The following COX7B2 variants were observed in gnomAD, a reference collection of about 807,000 sequenced individuals.
The protein encoded by COX7B2 is cytochrome c oxidase subunit 7B2, mitochondrial.
For missense variants in COX7B2, 109 were observed against 95.9 expected, an observed-to-expected ratio of 1.14 and a Z score of -0.57; for synonymous variants, 37 against 32.1, an observed-to-expected ratio of 1.15 and a Z score of -0.51.
intron 1 of COX7B2, among the ~76,000 whole-genome samples, chr4:46,895,796 T>C (rs1343739130): frequency 1.3e-5 from 2 of 152,108 alleles, no homozygotes; most frequent in Non-Finnish European, 2.9e-5. Flanking sequence ...AATCTTCCAT[T>C]TGCACCAAAT....
intron 1 of COX7B2, among the ~76,000 whole-genome samples, chr4:46,883,255 A>G (rs1421445200): frequency 6.6e-6 from 1 of 152,204 alleles, no homozygotes; most frequent in Non-Finnish European, 1.5e-5. Context: ...AATTGCTTTG[A>G]CAATCCCAAT....
chr4:46,751,307 AG>A (rs1715358294), intron 2 of COX7B2, among the ~76,000 whole-genome samples: 1 of 151,714 alleles, frequency 6.6e-6, no homozygotes, highest in South Asian at 2.1e-4. Flanking sequence ...ATTTTGCAAA[AG>A]CATACATATG....
chr4:46,795,627 G>A (rs1718285946), intron 2 of COX7B2, among the ~76,000 whole-genome samples: 2 of 89,476 alleles, frequency 2.2e-5, no homozygotes, highest in South Asian at 5.1e-4. Flanking sequence ...TTGAAGTCAG[G>A]TAGTGTGATG....
intron 2 of COX7B2, among the ~76,000 whole-genome samples, chr4:46,809,409 T>C (rs979507003): frequency 6.6e-6 from 1 of 151,868 alleles, no homozygotes; most frequent in Non-Finnish European, 1.5e-5. Context: ...AGGCGTTTAT[T>C]TCTATAAACT....
intron 2 of COX7B2, among the ~76,000 whole-genome samples, chr4:46,833,368 TA>T (rs1220479459): frequency 6.6e-6 from 1 of 152,310 alleles, no homozygotes; most frequent in South Asian, 2.1e-4. Context: ...CAAGAGGATG[TA>T]ACTAGAATGA....
intron 1 of COX7B2, among the ~76,000 whole-genome samples, chr4:46,864,260 G>T (rs1307979739): frequency 1.3e-5 from 2 of 152,032 alleles, no homozygotes; most frequent in African/African-American, 4.8e-5. Context: ...CACCTATCCA[G>T]GATTAAACCT....
intron 2 of COX7B2, among the ~76,000 whole-genome samples, chr4:46,774,032 A>C (rs1717025927): frequency 6.6e-6 from 1 of 152,146 alleles, no homozygotes; most frequent in South Asian, 2.1e-4. Context: ...TGGACAGCTC[A>C]TTAACAATCT....
chr4:46,754,728 G>GTGTATATATATATATATA (rs1333586285), intron 2 of COX7B2, among the ~76,000 whole-genome samples: 537 of 39,786 alleles, frequency 0.013, 15 homozygotes, highest in Non-Finnish European at 0.018. Flanking sequence ...GTGTGTGTGT[G>GTGTATATATATATATATA]TATATATATA....
intron 2 of COX7B2, among the ~76,000 whole-genome samples, chr4:46,803,498 T>A (rs187941918): frequency 3.9e-5 from 6 of 152,304 alleles, no homozygotes; most frequent in African/African-American, 1.4e-4. Context: ...ATTAGTCATA[T>A]TTTTTAAAGA....
At chr4:46,833,081 T>C (rs1214009272) in intron 2 of COX7B2, among the ~76,000 whole-genome samples, 9 of 152,114 alleles carry the variant, frequency 5.9e-5, no homozygotes. Flanking sequence ...AATTTTGTAT[T>C]TTTAGTAGAG....
chr4:46,890,502 A>G (rs1719365307), intron 1 of COX7B2, among the ~76,000 whole-genome samples: 1 of 152,214 alleles, frequency 6.6e-6, no homozygotes, highest in African/African-American at 2.4e-5. Flanking sequence ...CATTTAGACA[A>G]TGTCTCTTCT....
At chr4:46,758,543 G>C (rs376344689) in intron 2 of COX7B2, among the ~76,000 whole-genome samples, 1 of 152,112 alleles carries the variant, frequency 6.6e-6, no homozygotes, top group Non-Finnish European at 1.5e-5. Flanking sequence ...AAATAACAAA[G>C]AGGTATCCAC....
intron 2 of COX7B2, among the ~76,000 whole-genome samples, chr4:46,783,836 G>A (rs779514436): frequency 2.0e-5 from 3 of 152,200 alleles, no homozygotes; most frequent in Admixed American, 6.5e-5. Flanking sequence ...ACACAACTGG[G>A]AAAGTTGGGG....
At chr4:46,904,583 TAAG>T (rs1456411567) in intron 1 of COX7B2, among the ~76,000 whole-genome samples, 1 of 152,146 alleles carries the variant, frequency 6.6e-6, no homozygotes, top group Non-Finnish European at 1.5e-5. Flanking sequence ...TCTCACACCA[TAAG>T]AAGAATGCAA....
At chr4:46,745,792 TAAA>T (rs1217742142) in intron 2 of COX7B2, among the ~76,000 whole-genome samples, 2 of 152,206 alleles carry the variant, frequency 1.3e-5, no homozygotes, top group Non-Finnish European at 2.9e-5. Context: ...GTTACCCATC[TAAA>T]AACATGCAAC....
chr4:46,856,469 A>G (rs1326304063), intron 1 of COX7B2, among the ~76,000 whole-genome samples: 1 of 152,164 alleles, frequency 6.6e-6, no homozygotes, highest in Non-Finnish European at 1.5e-5. Context: ...ACATGGACTA[A>G]GGTAATTTGT....
intron 2 of COX7B2, among the ~76,000 whole-genome samples, chr4:46,821,712 T>C (rs530513924): frequency 8.5e-5 from 13 of 152,268 alleles, no homozygotes; most frequent in Admixed American, 7.9e-4. Flanking sequence ...ATAATCATCA[T>C]TGTCACACAT....
At chr4:46,886,751 T>G (rs961885166) in intron 1 of COX7B2, among the ~76,000 whole-genome samples, 2 of 152,190 alleles carry the variant, frequency 1.3e-5, no homozygotes, top group Non-Finnish European at 2.9e-5. Context: ...AAACATGAAT[T>G]TTTTTCTCAA....
intron 1 of COX7B2, among the ~76,000 whole-genome samples, chr4:46,847,479 A>C (rs910981474): frequency 6.6e-6 from 1 of 152,070 alleles, no homozygotes. Flanking sequence ...AAGCATTCGG[A>C]TGATATCCCA....
Sources: allele counts gnomAD v4.1 joint callset (sites outside exome capture counted in the v4.1 genomes callset), GRCh38; gene constraint gnomAD v4.1.1; transcripts MANE v1.5; gene names NCBI Gene and HGNC (gene_info 2026-07-23, HGNC 2026-07-21).